The following XRN1 variants were observed in gnomAD, a reference collection of about 807,000 sequenced individuals.
The protein encoded by XRN1 is 5'-3' exoribonuclease 1.
Under a neutral mutation model 222.3 loss-of-function variants are expected in XRN1, and 67 were observed. That is an observed-to-expected ratio of 0.30 (90% CI 0.25 to 0.37). XRN1 has a LOEUF of 0.37. Ranked by LOEUF, XRN1 falls within the 10% of genes least tolerant of loss-of-function variation. The pLI, the probability that XRN1 is intolerant of heterozygous loss-of-function variation, is 1.00. For missense variants in XRN1, 1,707 were observed against 2,000.2 expected, an observed-to-expected ratio of 0.85 and a Z score of 2.80; for synonymous variants, 643 against 652.4, an observed-to-expected ratio of 0.99 and a Z score of 0.22.
chr3:142,415,705 G>T (rs1165140578), intron 13 of XRN1, among the ~76,000 whole-genome samples: 1 of 152,196 alleles, frequency 6.6e-6, no homozygotes, highest in Non-Finnish European at 1.5e-5. Context: ...GCTTTATGTA[G>T]TAAGTGAAAC....
intron 1 of XRN1, among the ~76,000 whole-genome samples, chr3:142,436,688 C>T (rs2069925666): frequency 6.6e-6 from 1 of 151,872 alleles, no homozygotes; most frequent in African/African-American, 2.4e-5. Context: ...TTCAACACAG[C>T]AATTACAAAT....
intron 16 of XRN1, among the ~76,000 whole-genome samples, 161 bp downstream of exon 16, chr3:142,404,746 C>G (rs1405691079): frequency 6.6e-6 from 1 of 152,196 alleles, no homozygotes; most frequent in Non-Finnish European, 1.5e-5. Flanking sequence ...CTTAGATCCT[C>G]TGCAAGTTAG....
chr3:142,313,075 T>C, intron 39 of XRN1: 2 of 1,537,708 alleles, frequency 1.3e-6, no homozygotes, highest in Middle Eastern at 3.5e-4. Flanking sequence ...AAAAGGGTCA[T>C]GAAATTGTCC....
chr3:142,415,517 A>T (rs2068750272), intron 13 of XRN1, among the ~76,000 whole-genome samples: 1 of 152,214 alleles, frequency 6.6e-6, no homozygotes, highest in Non-Finnish European at 1.5e-5. Context: ...TGTTTACTTT[A>T]AATAGTTGTG....
chr3:142,384,794 T>A, intron 20 of XRN1, 109 bp from the exon 21 acceptor site: 1 of 859,150 alleles, frequency 1.2e-6, no homozygotes, highest in South Asian at 2.1e-5. Flanking sequence ...AGTGTGTAAA[T>A]AAACTTTAAA....
chr3:142,355,626 T>C lies in XRN1; in HGVS notation c.3673-130A>G, dbSNP rs529326968. 6.3e-5 allele frequency: 35 copies of C among 552,502 alleles called. No homozygotes were observed. In the East Asian group the frequency reaches 1.1e-3, roughly 17 times the overall value. The allele number at this position is 552,502 out of a possible 1,614,324, so 34.2% of individuals were successfully genotyped here. ...GGATATTAAACCTTTTTTTTTTGAC[T>C]TGGGGTCTTACTCATGTGGGGTCTT... is the stretch of plus-strand genomic sequence containing the variant. On this transcript the variant is annotated intron_variant, in intron 31 of 40. Coordinates refer to ENST00000392981, the MANE Select transcript of XRN1 (RefSeq NM_001282857.2).
intron 14 of XRN1, among the ~76,000 whole-genome samples, chr3:142,413,564 GTAT>G (rs2068671136): frequency 6.6e-6 from 1 of 152,164 alleles, no homozygotes; most frequent in Non-Finnish European, 1.5e-5. Context: ...ACGATACAAA[GTAT>G]AACTTCAGAA....
intron 27 of XRN1, among the ~76,000 whole-genome samples, chr3:142,367,878 G>A (rs900631494): frequency 2.6e-5 from 4 of 151,558 alleles, no homozygotes; most frequent in Non-Finnish European, 5.9e-5. Flanking sequence ...AAGTTTAAAT[G>A]ATCTTCAGAA....
Position 142,371,338 on chromosome 3 carries a change from C to T in XRN1, c.2979-10G>A, listed in dbSNP as rs369191492. 1.9e-6 allele frequency: 3 copies of T among 1,590,754 alleles called. No individual in the cohort carries two copies. The highest frequency in any genetic ancestry group is 1.7e-6 in the Non-Finnish European group (2 of 1,167,796). On this transcript the variant is annotated splice_polypyrimidine_tract_variant and intron_variant, in intron 25 of 40. Coordinates refer to ENST00000392981, the MANE Select transcript of XRN1 (RefSeq NM_001282857.2). The stretch of plus-strand genomic sequence containing the variant: ...AAATAGTTCTGGAGCTCTGGTCAAA[C>T]AAACAAAAATATTGTCTTAAAATAT...
At chr3:142,397,213 G>A in intron 20 of XRN1, 116 bp downstream of exon 20, 1 of 968,656 alleles carries the variant, frequency 1.0e-6, no homozygotes, top group Non-Finnish European at 1.4e-6. Context: ...AAAACAGGAT[G>A]AAGGTGTAAT....
rs1472227921 is a variant in XRN1 at position 142,310,910 on chromosome 3, A to T, written c.*601T>A. 6.6e-6 allele frequency: 1 copy of T among 152,670 alleles called. No individual in the cohort carries two copies. Among genetic ancestry groups the T allele is most frequent in the African/African-American group, 2.4e-5 (1 of 41,470 alleles). The allele number at this position is 152,670 out of a possible 1,614,324, so 9.5% of individuals were successfully genotyped here. ...TGCTTTGGTACAAAATTTAGAATAA[A>T]GCAAAACTGGCAGCACCACAACAAA... On this transcript the variant is annotated 3_prime_UTR_variant, in exon 41 of 41. Transcript: ENST00000392981.
At chr3:142,316,277 C>T (rs1441343460) in intron 39 of XRN1, among the ~76,000 whole-genome samples, 3 of 141,298 alleles carry the variant, frequency 2.1e-5, no homozygotes, top group African/African-American at 8.1e-5. Context: ...GGTGCAGTGG[C>T]ACGATCACAG....
chr3:142,400,132 C>G (rs1413233909), intron 19 of XRN1, among the ~76,000 whole-genome samples: 1 of 152,010 alleles, frequency 6.6e-6, no homozygotes, highest in African/African-American at 2.4e-5. Context: ...GCTATTAATT[C>G]TTGTTAGAAA....
intron 34 of XRN1, among the ~76,000 whole-genome samples, chr3:142,334,143 CA>C (rs1429116872): frequency 6.6e-6 from 1 of 151,946 alleles, no homozygotes; most frequent in Non-Finnish European, 1.5e-5. Flanking sequence ...ATGGCTTCAC[CA>C]AAAGTCCATG....
At chr3:142,331,161 C>G (rs1371396482) in intron 36 of XRN1, among the ~76,000 whole-genome samples, 1 of 152,142 alleles carries the variant, frequency 6.6e-6, no homozygotes, top group Non-Finnish European at 1.5e-5. Flanking sequence ...CTGCTTATTC[C>G]AAAATGTTTT....
At chr3:142,377,512 G>A (rs1193329919) in intron 23 of XRN1, among the ~76,000 whole-genome samples, 1 of 152,148 alleles carries the variant, frequency 6.6e-6, no homozygotes, top group African/African-American at 2.4e-5. Flanking sequence ...ACTGGCATGG[G>A]CTACTAGCAC....
rs185584578 is a variant in XRN1, at chr3:142,355,310, T to C, written c.3768+91A>G. ...TTGTCATTTTCTATTTTATGAGATG[T>C]CACAGAAAAATAATCATTGTAGTCT... On this transcript the variant is annotated intron_variant, in intron 32 of 40. Transcript: ENST00000392981. 8.6e-4 allele frequency: 538 copies of C among 629,062 alleles called. 6 individuals are homozygous for C. The African/African-American group carries it at 9.2e-3, about 11-fold the overall frequency. 39.0% of individuals were successfully genotyped at this position (629,062 alleles called of 1,614,324 possible).
In XRN1 at chr3:142,370,168, CACT is replaced by C. The variant is rs1207767078; in HGVS notation, c.3204+314_3204+316del. 2.6e-5 allele frequency among the ~76,000 whole-genome samples: 4 copies of C among 151,496 alleles called. No individual in the cohort carries two copies. In the South Asian group the frequency reaches 6.2e-4, roughly 24 times the overall value. ...AAATATTAATTCTCAATATTGGAAA[CACT>C]ACAAGGGCATAAAATTTAAATACTA... On this transcript the variant is annotated intron_variant, in intron 27 of 40. Coordinates refer to ENST00000392981, the MANE Select transcript of XRN1 (RefSeq NM_001282857.2).
intron 32 of XRN1, among the ~76,000 whole-genome samples, chr3:142,351,947 T>C (rs963171727): frequency 1.3e-5 from 2 of 151,636 alleles, no homozygotes; most frequent in Non-Finnish European, 2.9e-5. Flanking sequence ...CACCTAAAGT[T>C]ACTCCTCTTA....
Sources: allele counts gnomAD v4.1 joint callset (sites outside exome capture counted in the v4.1 genomes callset), GRCh38; gene constraint gnomAD v4.1.1; transcripts MANE v1.5; gene names NCBI Gene and HGNC (gene_info 2026-07-23, HGNC 2026-07-21).